The following FGF12 variants were observed in gnomAD, a reference collection of about 807,000 sequenced individuals.
FGF12 encodes fibroblast growth factor 12, also known as fibroblast growth factor 12B.
In FGF12, 14 loss-of-function variants were observed where a neutral mutation model predicts 23.6. The ratio of observed to expected loss-of-function variants is 0.59; its 90% CI spans 0.39 to 0.93. The LOEUF (loss-of-function observed/expected upper bound fraction) is 0.93, where lower values mean the gene tolerates loss of function less well. FGF12 is among the 40% of genes least tolerant of loss of function. The pLI, the probability that FGF12 is intolerant of heterozygous loss-of-function variation, is 0.00. For synonymous variants in FGF12, 62 were observed against 77.3 expected (o/e 0.80, Z 1.04); for missense variants, 175 against 217.8 (o/e 0.80, Z 1.24).
At chr3:192,181,461 C>G (rs1453408362) in intron 4 of FGF12, among the ~76,000 whole-genome samples, 1 of 151,810 alleles carries the variant, frequency 6.6e-6, no homozygotes, top group African/African-American at 2.4e-5. Context: ...AAACACACAC[C>G]TGTATCAGCA....
rs760999119 is a variant in FGF12 at position 192,514,347 on chromosome 3, A to T, written c.14-153809T>A. 1.3e-5 allele frequency among the ~76,000 whole-genome samples: 2 copies of T among 152,244 alleles called. No homozygotes were observed. Among genetic ancestry groups the T allele is most frequent in the Non-Finnish European group, 2.9e-5 (2 of 68,040 alleles). ...GTCGCGCGCCGCCCTCGCAAATCGC[A>T]GAGAGGGCCGCGAGAAGGTGCGAAC... is the stretch of plus-strand genomic sequence containing the variant. On this transcript the variant is annotated intron_variant, in intron 2 of 5. Transcript: ENST00000445105. This position sits in a 1 kb window ranked among gnomAD's most constrained non-coding sequence, Gnocchi z 4.9.
chr3:192,659,290 G>T (rs968154407), intron 2 of FGF12, among the ~76,000 whole-genome samples: 1 of 152,078 alleles, frequency 6.6e-6, no homozygotes, highest in Non-Finnish European at 1.5e-5. Flanking sequence ...AATATGACCT[G>T]ACAGAACTAT....
At chr3:192,221,092 A>G (rs908528666) in intron 4 of FGF12, among the ~76,000 whole-genome samples, 1 of 152,200 alleles carries the variant, frequency 6.6e-6, no homozygotes, top group Non-Finnish European at 1.5e-5. Flanking sequence ...GTCTCAGCCA[A>G]ACATGGCAGC....
At position 192,295,082 on chromosome 3, in the gene FGF12, A is replaced by T. The variant is rs139381406; in HGVS notation, c.228+40279T>A. On this transcript the variant is annotated intron_variant, in intron 4 of 5. Coordinates refer to ENST00000445105, the MANE Select transcript of FGF12 (RefSeq NM_004113.6). ...GAGGCTTTAAGACTCAGAGTGATGG[A>T]GAAGAAACGGTATGAATCTTGCCTC... 3.3e-5 allele frequency among the ~76,000 whole-genome samples: 5 copies of T among 152,320 alleles called. No individual in the cohort carries two copies. In the East Asian group the frequency reaches 9.7e-4, roughly 29 times the overall value.
At chr3:192,313,015 C>T (rs892663062) in intron 4 of FGF12, among the ~76,000 whole-genome samples, 1 of 152,064 alleles carries the variant, frequency 6.6e-6, no homozygotes, top group African/African-American at 2.4e-5. Context: ...ATTTTCTCTC[C>T]TTTTCATCCT....
intron 2 of FGF12, among the ~76,000 whole-genome samples, chr3:192,614,005 C>A (rs1255468732): frequency 2.0e-5 from 3 of 151,750 alleles, no homozygotes; most frequent in South Asian, 2.1e-4. Context: ...AGCATGCTCT[C>A]CCCTGGCATC....
chr3:192,349,415 T>C, intron 3 of FGF12, among the ~76,000 whole-genome samples: 1 of 152,096 alleles, frequency 6.6e-6, no homozygotes, highest in Non-Finnish European at 1.5e-5. Flanking sequence ...AGAAACCCTC[T>C]CTTTTTAGTT....
chr3:192,317,630 A>T (rs1716298625), intron 4 of FGF12, among the ~76,000 whole-genome samples: 1 of 152,188 alleles, frequency 6.6e-6, no homozygotes, highest in Admixed American at 6.5e-5. Flanking sequence ...CAGATGGTAT[A>T]TCTGAACCTA....
intron 2 of FGF12, among the ~76,000 whole-genome samples, chr3:192,709,915 C>A (rs1718610342): frequency 6.6e-6 from 1 of 152,164 alleles, no homozygotes; most frequent in African/African-American, 2.4e-5. Context: ...TATTCATTAT[C>A]CTGTTTTGCC....
In FGF12 at chr3:192,143,795, C is replaced by A; in HGVS notation, c.*214G>T. ...GCTTTTAAGTGTGCTAATCTTTGTG[C>A]ACGTGAATTTTCTACCACATTGCAA... is the stretch of plus-strand genomic sequence containing the variant. On this transcript the variant is annotated 3_prime_UTR_variant, in exon 6 of 6. Coordinates refer to ENST00000445105, the MANE Select transcript of FGF12 (RefSeq NM_004113.6). The A allele has an allele frequency of 2.1e-6, 1 of 477,862 alleles. No individual in the cohort carries two copies. The highest frequency in any genetic ancestry group is 3.7e-6 in the Non-Finnish European group (1 of 269,954). The allele number at this position is 477,862 out of a possible 1,614,324, so 29.6% of individuals were successfully genotyped here.
At chr3:192,480,284 T>C (rs1285928737) in intron 2 of FGF12, among the ~76,000 whole-genome samples, 1 of 152,158 alleles carries the variant, frequency 6.6e-6, no homozygotes, top group Non-Finnish European at 1.5e-5. Flanking sequence ...CAAAACCTAT[T>C]TTTCTCCCAC....
intron 4 of FGF12, among the ~76,000 whole-genome samples, chr3:192,299,166 T>C (rs946713401): frequency 6.6e-6 from 1 of 152,202 alleles, no homozygotes; most frequent in Non-Finnish European, 1.5e-5. Flanking sequence ...TACTTGGGTT[T>C]TGCATGATTT....
chr3:192,718,491 C>T (rs1475356444), intron 2 of FGF12, among the ~76,000 whole-genome samples: 2 of 152,080 alleles, frequency 1.3e-5, no homozygotes, highest in African/African-American at 4.8e-5. Flanking sequence ...TGAAAAGAAT[C>T]TTGCCTCTAA....
At chr3:192,633,955 A>T (rs1715489350) in intron 2 of FGF12, among the ~76,000 whole-genome samples, 1 of 152,142 alleles carries the variant, frequency 6.6e-6, no homozygotes, top group Non-Finnish European at 1.5e-5. Context: ...CTTCTCCTGA[A>T]ATCCCTGTCT....
Position 192,368,638 on chromosome 3 carries a change from C to T in FGF12, c.14-8100G>A, listed in dbSNP as rs73068569. Reference sequence around the variant, plus strand: ...TATGCCAAGAGTCCACAAACTATAGCCCTGTGGCTGCCAATTTTGTTAATA... The same window carrying T: ...TATGCCAAGAGTCCACAAACTATAGTCCTGTGGCTGCCAATTTTGTTAATA... On this transcript the variant is annotated intron_variant, in intron 2 of 5. Coordinates refer to ENST00000445105, the MANE Select transcript of FGF12 (RefSeq NM_004113.6). 5.8e-4 allele frequency among the ~76,000 whole-genome samples: 89 copies of T among 152,260 alleles called. 1 individual carries two copies. Among genetic ancestry groups the T allele is most frequent in the African/African-American group, 2.0e-3 (84 of 41,544 alleles).
chr3:192,573,556 A>G (rs1217770307), intron 2 of FGF12, among the ~76,000 whole-genome samples: 1 of 152,138 alleles, frequency 6.6e-6, no homozygotes, highest in Non-Finnish European at 1.5e-5. Flanking sequence ...ACAGCAGCCT[A>G]CTAGCCTTCG....
At chr3:192,413,274 C>T (rs936173726) in intron 2 of FGF12, among the ~76,000 whole-genome samples, 6 of 152,274 alleles carry the variant, frequency 3.9e-5, no homozygotes, top group African/African-American at 1.4e-4. Context: ...CTGTCAGTTA[C>T]CGTGAAATTC....
intron 4 of FGF12, among the ~76,000 whole-genome samples, chr3:192,288,094 G>C (rs115599050): frequency 0.011 from 1,664 of 152,180 alleles, 31 homozygotes; most frequent in African/African-American, 0.037. Context: ...AGTGCTTCAG[G>C]ATTTGGGGTG....
chr3:192,144,705 T>C (rs898252796), intron 5 of FGF12, among the ~76,000 whole-genome samples: 1 of 152,204 alleles, frequency 6.6e-6, no homozygotes, highest in Non-Finnish European at 1.5e-5. Flanking sequence ...TTTTCATCAA[T>C]AGGGAACGTG....
Sources: gnomAD v4.1 joint callset for allele counts (sites outside exome capture counted in the v4.1 genomes callset) on GRCh38, gnomAD v4.1.1 for gene constraint, Gnocchi (gnomAD v3.1) non-coding constraint, MANE v1.5 for transcripts, NCBI Gene and HGNC (gene_info 2026-07-23, HGNC 2026-07-21) for gene names.